The following PDE5A variants were observed in gnomAD, a reference collection of about 807,000 sequenced individuals.
PDE5A encodes the protein cGMP-specific 3',5'-cyclic phosphodiesterase.
In PDE5A, 67 loss-of-function variants were observed where a neutral mutation model predicts 110.2. The observed-to-expected ratio is 0.61, with a 90% CI of 0.50 to 0.75. The LOEUF (loss-of-function observed/expected upper bound fraction) is 0.75, where lower values mean the gene tolerates loss of function less well. PDE5A is among the 30% of genes least tolerant of loss of function. The pLI is 0.00. For synonymous variants in PDE5A, 328 were observed against 351.2 expected, an observed-to-expected ratio of 0.93 and a Z score of 0.74; for missense variants, 862 against 1,045.1, an observed-to-expected ratio of 0.82 and a Z score of 2.42.
rs1325952800 is a variant in PDE5A, at chr4:119,501,310, T to A, written c.2407-57A>T. ...ATGTGCATTTATTTATTTAGTTAGT[T>A]ATTACTTTATTATTTTTTGAGATGG... On this transcript the variant is annotated intron_variant, in intron 19 of 20. Coordinates refer to ENST00000354960, the MANE Select transcript of PDE5A (RefSeq NM_001083.4). The A allele has an allele frequency of 1.2e-5, 12 of 1,038,150 alleles. No individual in the cohort carries two copies. In the South Asian group the frequency reaches 1.4e-4, roughly 13 times the overall value. 64.3% of individuals were successfully genotyped at this position (1,038,150 alleles called of 1,614,324 possible). A position where few individuals can be genotyped will look rare whatever the true frequency, so the allele number is the denominator to read the frequency against.
chr4:119,561,460 C>A (rs1727743996), intron 6 of PDE5A, among the ~76,000 whole-genome samples: 1 of 152,104 alleles, frequency 6.6e-6, no homozygotes, highest in Non-Finnish European at 1.5e-5. Flanking sequence ...TAGCACTGAT[C>A]CAAATCAGTG....
chr4:119,554,920 G>A (rs1578771230), intron 7 of PDE5A, among the ~76,000 whole-genome samples: 1 of 152,226 alleles, frequency 6.6e-6, no homozygotes, highest in East Asian at 1.9e-4. Flanking sequence ...GGTATCTGTA[G>A]GGGTTCCTGG....
At chr4:119,620,071 T>C (rs1730088564) in intron 1 of PDE5A, among the ~76,000 whole-genome samples, 1 of 152,220 alleles carries the variant, frequency 6.6e-6, no homozygotes, top group Non-Finnish European at 1.5e-5. Flanking sequence ...TTAAATGTCC[T>C]GCTATGCACT....
At chr4:119,556,828 T>C (rs566812965) in intron 7 of PDE5A, among the ~76,000 whole-genome samples, 7 of 152,330 alleles carry the variant, frequency 4.6e-5, no homozygotes, top group African/African-American at 1.7e-4. Flanking sequence ...AAGAGTTCTA[T>C]GTGTAACTGG....
At chr4:119,506,852 T>A (rs1014816598) in intron 16 of PDE5A, among the ~76,000 whole-genome samples, 1 of 151,904 alleles carries the variant, frequency 6.6e-6, no homozygotes, top group African/African-American at 2.4e-5. Flanking sequence ...TTGTGTTTTT[T>A]CTATGTGTTT....
At chr4:119,499,359 A>T (rs1725206817) in intron 20 of PDE5A, among the ~76,000 whole-genome samples, 2 of 152,214 alleles carry the variant, frequency 1.3e-5, no homozygotes, top group South Asian at 4.1e-4. Flanking sequence ...AACACATTTG[A>T]TACATAAAAT....
At position 119,525,695 on chromosome 4, in the gene PDE5A, C is replaced by T; in HGVS notation, c.1633G>A (p.Ala545Thr). 6.3e-7 allele frequency: 1 copy of T among 1,591,532 alleles called. No individual in the cohort carries two copies. ...EETRELQSLAAAVVPSAQTLK... is the reference protein window; with the variant it reads ...EETRELQSLATAVVPSAQTLK... Reference sequence around the variant, plus strand: ...GTCTGGGCAGATGGCACCACAGCAGCCTTGGGTAAGGAAAGAAGAAAAAAA... The same window carrying T: ...GTCTGGGCAGATGGCACCACAGCAGTCTTGGGTAAGGAAAGAAGAAAAAAA... The change falls in exon 12 of 21, where the codon GCT becomes ACT. Residue 545 changes from alanine (A) to threonine (T), a missense_variant and splice_region_variant. Coordinates refer to ENST00000354960, the MANE Select transcript of PDE5A (RefSeq NM_001083.4). This position sits in a 1 kb window ranked among gnomAD's most constrained non-coding sequence, Gnocchi z 4.3.
At chr4:119,556,920 G>A (rs1272710815) in intron 7 of PDE5A, among the ~76,000 whole-genome samples, 1 of 152,190 alleles carries the variant, frequency 6.6e-6, no homozygotes, top group East Asian at 1.9e-4. Flanking sequence ...GATAGTGAAA[G>A]ATTTTGAAAG....
rs1422385484 is a variant in PDE5A, at chr4:119,567,119, T to C, written c.857A>G (p.Asn286Ser). Reference sequence around the variant, plus strand: ...TGTCCCACCGTTTCCTGATTTCTTGTTGATGGCCTGGGCTACACCAACAAC... The same window carrying C: ...TGTCCCACCGTTTCCTGATTTCTTGCTGATGGCCTGGGCTACACCAACAAC... Reference protein sequence around the residue: ...EEVVGVAQAINKKSGNGGTFT... With the variant: ...EEVVGVAQAISKKSGNGGTFT... Residue 286 changes from asparagine to serine, a missense_variant, in exon 4 of 21, where the codon AAC becomes AGC. Asn to Ser is a conservative substitution (Grantham distance 46). Transcript: ENST00000354960. 6.2e-7 allele frequency: 1 copy of C among 1,613,472 alleles called. No homozygotes were observed. The highest frequency in any genetic ancestry group is 2.2e-5 in the East Asian group (1 of 44,878).
At chr4:119,523,556 C>A (rs1002012153) in intron 12 of PDE5A, among the ~76,000 whole-genome samples, 1 of 151,832 alleles carries the variant, frequency 6.6e-6, no homozygotes, top group African/African-American at 2.4e-5. Flanking sequence ...TGATGTTGGC[C>A]AGAATTAGAA....
intron 3 of PDE5A, among the ~76,000 whole-genome samples, chr4:119,572,592 A>G (rs1728180854): frequency 6.6e-6 from 1 of 152,226 alleles, no homozygotes; most frequent in Non-Finnish European, 1.5e-5. Context: ...TTTTAATTTA[A>G]AAAGTATAGA....
At chr4:119,592,150 C>CAAAA (rs70944895) in intron 3 of PDE5A, among the ~76,000 whole-genome samples, 13 of 15,736 alleles carry the variant, frequency 8.3e-4, no homozygotes, top group East Asian at 2.6e-3. Flanking sequence ...GACTCTGTCT[C>CAAAA]AAAAAAAAAA....
chr4:119,550,073 A>G (rs190815226), intron 9 of PDE5A: 58 of 152,318 alleles, frequency 3.8e-4, no homozygotes, highest in Admixed American at 1.3e-3. Context: ...CCATGCTACA[A>G]CTGTAGGTAC....
intron 1 of PDE5A, among the ~76,000 whole-genome samples, chr4:119,621,364 CAGGTGAGACCA>C (rs1209300048): frequency 1.3e-5 from 2 of 152,180 alleles, no homozygotes; most frequent in Non-Finnish European, 2.9e-5. Flanking sequence ...GGATGTGACC[CAGGTGAGACCA>C]GGGTAATCTG....
At chr4:119,499,382 A>C (rs1374961672) in intron 20 of PDE5A, among the ~76,000 whole-genome samples, 1 of 152,204 alleles carries the variant, frequency 6.6e-6, no homozygotes, top group Non-Finnish European at 1.5e-5. Flanking sequence ...GGATATAATG[A>C]CATTATGGAT....
At chr4:119,524,550 C>T (rs1472225108) in intron 12 of PDE5A, among the ~76,000 whole-genome samples, 4 of 152,122 alleles carry the variant, frequency 2.6e-5, no homozygotes, top group African/African-American at 9.7e-5. Flanking sequence ...CCATAAATGA[C>T]AATGTATTAA....
At chr4:119,548,609 C>G (rs1727225247) in intron 9 of PDE5A, 1 of 152,104 alleles carries the variant, frequency 6.6e-6, no homozygotes, top group South Asian at 2.1e-4. Flanking sequence ...CTTAGTGTTT[C>G]TGATCCACTA....
intron 1 of PDE5A, among the ~76,000 whole-genome samples, chr4:119,608,824 T>C (rs1729633552): frequency 6.6e-6 from 1 of 152,162 alleles, no homozygotes; most frequent in Non-Finnish European, 1.5e-5. Context: ...GGAGATAGTA[T>C]AGGGATGTAG....
At chr4:119,503,288 A>G (rs1163948071) in intron 18 of PDE5A, among the ~76,000 whole-genome samples, 10 of 152,216 alleles carry the variant, frequency 6.6e-5, no homozygotes, top group Non-Finnish European at 1.3e-4. Flanking sequence ...CTTGAAAAAC[A>G]AAAACACAAT....
Sources: gnomAD v4.1 joint callset for allele counts (sites outside exome capture counted in the v4.1 genomes callset) on GRCh38, gnomAD v4.1.1 for gene constraint, Gnocchi (gnomAD v3.1) non-coding constraint, MANE v1.5 for transcripts, NCBI Gene and HGNC (gene_info 2026-07-23, HGNC 2026-07-21) for gene names.